The following WRAP53 variants were observed in gnomAD, a reference collection of about 807,000 sequenced individuals.
WRAP53 encodes the protein telomerase Cajal body protein 1.
WRAP53 carries 28 observed loss-of-function variants against 56.6 expected under a neutral mutation model. That is an observed-to-expected ratio of 0.50 (90% CI 0.37 to 0.68). The LOEUF (loss-of-function observed/expected upper bound fraction) is 0.68, where lower values mean the gene tolerates loss of function less well. WRAP53 is among the 30% of genes least tolerant of loss of function. The pLI is 0.00. For synonymous variants in WRAP53, 283 were observed against 283.4 expected, an observed-to-expected ratio of 1.00 and a Z score of 0.01; for missense variants, 671 against 715.5, an observed-to-expected ratio of 0.94 and a Z score of 0.71.
At position 7,701,387 on chromosome 17, in the gene WRAP53, G is replaced by A. The variant is rs758920001; in HGVS notation, c.732-72G>A. 3 of 1,546,524 alleles carry A rather than the reference G, an allele frequency of 1.9e-6. No homozygotes were observed. Among genetic ancestry groups the A allele is most frequent in the South Asian group, 2.2e-5 (2 of 89,674 alleles). ...CCCAAAGTGCTGGGATTACAGGCAT[G>A]AGCCACTGTGCCCGGCCATTCCTCC... On this transcript the variant is annotated intron_variant, in intron 5 of 10. Transcript: ENST00000396463. This position sits in a 1 kb window ranked among gnomAD's most constrained non-coding sequence, Gnocchi z 4.2.
At chr17:7,703,186 G>A (rs71371810) in intron 10 of WRAP53, 57 bp from the exon 11 acceptor site, 1 of 1,613,396 alleles carries the variant, frequency 6.2e-7, no homozygotes, top group Non-Finnish European at 8.5e-7. Context: ...GTGAATCCCA[G>A]AGGGAGCAAG....
chr17:7,691,102 G>T (rs866179390), intron 4 of WRAP53, among the ~76,000 whole-genome samples: 1 of 151,934 alleles, frequency 6.6e-6, no homozygotes, highest in South Asian at 2.1e-4. Flanking sequence ...CCAGCTACTT[G>T]AGAGGCTGAA....
chr17:7,692,120 A>G (rs112056851), intron 4 of WRAP53, among the ~76,000 whole-genome samples: 8,271 of 150,486 alleles, frequency 0.055, 515 homozygotes, highest in African/African-American at 0.16. Flanking sequence ...GATTACAGGC[A>G]TGAGCCACTG....
Position 7,702,205 on chromosome 17 carries a change from G to C in WRAP53, c.956-139G>C. On this transcript the variant is annotated intron_variant, in intron 7 of 10. Transcript: ENST00000396463. This position sits in a 1 kb window ranked among gnomAD's most constrained non-coding sequence, Gnocchi z 5.0. Reference sequence around the variant, plus strand: ...GATGTGGGGAGCATCAGAGGTCTTTGTCCTGCTTGTGACAGACAGCATGGG... The same window carrying C: ...GATGTGGGGAGCATCAGAGGTCTTTCTCCTGCTTGTGACAGACAGCATGGG... The C allele has an allele frequency of 1.1e-6, 1 of 933,756 alleles. No homozygotes were observed. The allele number at this position is 933,756 out of a possible 1,614,324, so 57.8% of individuals were successfully genotyped here. A position where few individuals can be genotyped will look rare whatever the true frequency, so the allele number is the denominator to read the frequency against.
In WRAP53 at chr17:7,701,587, G is replaced by A. The variant is rs755627289; in HGVS notation, c.822+38G>A. 1 of 1,614,212 alleles carries A rather than the reference G, an allele frequency of 6.2e-7. No homozygotes were observed. Among genetic ancestry groups the A allele is most frequent in the Non-Finnish European group, 8.5e-7 (1 of 1,180,050 alleles). ...ATACTCAGCCCCAGCACTCGTACTGGCCCGGCTCTCCTTCCTTGAGGGCAG... is the reference window on the plus strand; with the variant it reads ...ATACTCAGCCCCAGCACTCGTACTGACCCGGCTCTCCTTCCTTGAGGGCAG... On this transcript the variant is annotated intron_variant, in intron 6 of 10. Transcript: ENST00000396463. The surrounding 1 kb of genome is among the most constrained non-coding windows in gnomAD (Gnocchi z 4.2).
At chr17:7,687,942 C>T (rs17886079), upstream of WRAP53, 261 of 232,236 alleles carry the variant, frequency 1.1e-3, 1 homozygote, top group African/African-American at 5.6e-3. Context: ...TATTTAATCT[C>T]CTTCACAACC....
At chr17:7,694,249 T>C (rs900959847) in intron 4 of WRAP53, among the ~76,000 whole-genome samples, 2 of 146,340 alleles carry the variant, frequency 1.4e-5, no homozygotes, top group South Asian at 2.2e-4. Flanking sequence ...TTTCTTTTTT[T>C]TTTTTTTTTT....
At position 7,689,000 on chromosome 17, in the gene WRAP53, G is replaced by A. The variant is rs781719919; in HGVS notation, c.352G>A (p.Ala118Thr). 4 of 1,614,174 alleles carry A rather than the reference G, an allele frequency of 2.5e-6. No individual in the cohort carries two copies. Among genetic ancestry groups the A allele is most frequent in the East Asian group, 2.2e-5 (1 of 44,890 alleles). The change falls in exon 2 of 11, where the codon GCG becomes ACG. Residue 118 changes from alanine (A) to threonine (T), a missense_variant. Ala to Thr is a moderately conservative substitution (Grantham distance 58). Transcript: ENST00000396463. ...AAACGGGAGCCTTTCTGAAGAAGAA[G>A]CGAACGGGCCAGAGTTGGGGTCTGG... ...EANGSLSEEEANGPELGSGKA... is the reference protein window; with the variant it reads ...EANGSLSEEETNGPELGSGKA...
At position 7,700,843 on chromosome 17, in the gene WRAP53, G is replaced by T; in HGVS notation, c.731+14G>T. 6.3e-7 allele frequency: 1 copy of T among 1,596,272 alleles called. No homozygotes were observed. Among genetic ancestry groups the T allele is most frequent in the Non-Finnish European group, 8.6e-7 (1 of 1,164,166 alleles). On this transcript the variant is annotated intron_variant, in intron 5 of 10. Coordinates refer to ENST00000396463, the MANE Select transcript of WRAP53 (RefSeq NM_001143992.2). Reference sequence around the variant, plus strand: ...AGACACCTCCTAGTAAGTAATGTTTGCCTCCCTGCTCGCCGCCCCACCACC... The same window carrying T: ...AGACACCTCCTAGTAAGTAATGTTTTCCTCCCTGCTCGCCGCCCCACCACC...
chr17:7,688,762 T>C lies in WRAP53; in HGVS notation c.114T>C (p.Ser38=). 6.2e-7 allele frequency: 1 copy of C among 1,614,168 alleles called. No individual in the cohort carries two copies. The highest frequency in any genetic ancestry group is 8.5e-7 in the Non-Finnish European group (1 of 1,180,028). Residue 38 remains serine (S), a synonymous_variant, in exon 2 of 11, where the codon TCT becomes TCC. Transcript: ENST00000396463. Reference sequence around the variant, plus strand: ...CCCCGATGAATAAAAATGCGGACTCTGAACTGATGCCACCGCCTCCCGAAA... The same window carrying C: ...CCCCGATGAATAAAAATGCGGACTCCGAACTGATGCCACCGCCTCCCGAAA... ...HASPMNKNAD[S]ELMPPPPERG...
Position 7,700,822 on chromosome 17 carries a change from A to G in WRAP53, c.724A>G (p.Thr242Ala), listed in dbSNP as rs775038177. Residue 242 changes from threonine to alanine, a missense_variant, in exon 5 of 11, where the codon ACC (threonine) becomes GCC (alanine). This residue lies in a region of WRAP53 where 406 missense variants were observed against 418.5 expected (regional missense o/e 0.97). Transcript: ENST00000396463. ...YSLMSSAQPD[T>A]SYVASSSREN... Reference sequence around the variant, plus strand: ...TCTGATGTCCTCAGCCCAGCCAGACACCTCCTAGTAAGTAATGTTTGCCTC... The same window carrying G: ...TCTGATGTCCTCAGCCCAGCCAGACGCCTCCTAGTAAGTAATGTTTGCCTC... 5 of 1,611,216 alleles carry G rather than the reference A, an allele frequency of 3.1e-6. No individual in the cohort carries two copies. Among genetic ancestry groups the G allele is most frequent in the Non-Finnish European group, 2.5e-6 (3 of 1,177,684 alleles).
At position 7,700,737 on chromosome 17, in the gene WRAP53, A is replaced by G. The variant is rs770005848; in HGVS notation, c.643-4A>G. The stretch of plus-strand genomic sequence containing the variant: ...GACTCAGCCATTCCCCCGTCTCTGT[A>G]TAGGTCCCTGTCCTTCGAATGGTGG... On this transcript the variant is annotated splice_polypyrimidine_tract_variant and splice_region_variant and intron_variant, in intron 4 of 10. Transcript: ENST00000396463. The G allele has an allele frequency of 1.2e-5, 19 of 1,609,236 alleles. No homozygotes were observed. Among genetic ancestry groups the G allele is most frequent in the Admixed American group, 1.7e-5 (1 of 59,932 alleles).
At chr17:7,691,216 A>G (rs2074103268) in intron 4 of WRAP53, among the ~76,000 whole-genome samples, 1 of 111,706 alleles carries the variant, frequency 9.0e-6, no homozygotes, top group Non-Finnish European at 1.6e-5. Flanking sequence ...CCCAAAACAA[A>G]CAAACAAACA....
At chr17:7,699,539 T>TATATATATATA (rs2074247356) in intron 4 of WRAP53, among the ~76,000 whole-genome samples, 1 of 81,516 alleles carries the variant, frequency 1.2e-5, no homozygotes, top group Non-Finnish European at 2.3e-5. Context: ...TATATATATA[T>TATATATATATA]TCCTAAGGAA....
At chr17:7,699,671 A>G (rs2074249284) in intron 4 of WRAP53, among the ~76,000 whole-genome samples, 1 of 149,182 alleles carries the variant, frequency 6.7e-6, no homozygotes, top group Non-Finnish European at 1.5e-5. Context: ...TGTTTTTTTA[A>G]TAAGATACTT....
rs1254646287 is a variant in WRAP53, at chr17:7,702,836, G to T, written c.1258G>T (p.Asp420Tyr). 1 of 1,613,776 alleles carries T rather than the reference G, an allele frequency of 6.2e-7. No homozygotes were observed. Among genetic ancestry groups the T allele is most frequent in the Non-Finnish European group, 8.5e-7 (1 of 1,179,986 alleles). Residue 420 changes from aspartate (D) to tyrosine (Y), a missense_variant, in exon 9 of 11, where the codon GAT (aspartate) becomes TAT (tyrosine). Around this residue, in one of 3 missense-constraint regions of WRAP53, gnomAD observed 158 missense variants for 215.7 expected, o/e 0.73. Coordinates refer to ENST00000396463, the MANE Select transcript of WRAP53 (RefSeq NM_001143992.2). This position sits in a 1 kb window ranked among gnomAD's most constrained non-coding sequence, Gnocchi z 5.0. ...EVTTNQRIYF[D>Y]LDPTGQFLVS... is the part of the protein sequence containing the mutation. ...GACCACCAATCAGCGCATCTACTTC[G>T]ATCTGGACCCGTGAGTGGCTGTGAC...
At position 7,703,364 on chromosome 17, in the gene WRAP53, C is replaced by T. The variant is rs140721613; in HGVS notation, c.1525C>T (p.His509Tyr). 6 of 1,613,980 alleles carry T rather than the reference C, an allele frequency of 3.7e-6. No individual in the cohort carries two copies. The highest frequency in any genetic ancestry group is 3.3e-4 in the Middle Eastern group (2 of 6,084). ...GLPLLSTRHV[H>Y]LECRLQLWWC... ...TCCCTTGCTCTCCACGCGCCACGTC[C>T]ACCTTGAATGTCGGCTTCAGCTCTG... Residue 509 changes from histidine to tyrosine, a missense_variant, in exon 11 of 11, where the codon CAC (histidine) becomes TAC (tyrosine). By Grantham distance (83) the His-to-Tyr change is moderately conservative (BLOSUM62 2). Transcript: ENST00000396463.
At chr17:7,692,602 C>T (rs1449827559) in intron 4 of WRAP53, among the ~76,000 whole-genome samples, 4 of 115,860 alleles carry the variant, frequency 3.5e-5, no homozygotes, top group Admixed American at 2.5e-4. Context: ...GTCCAGGCAA[C>T]AGTGTAAGAC....
At chr17:7,697,148 C>T (rs1027719819) in intron 4 of WRAP53, among the ~76,000 whole-genome samples, 2 of 151,828 alleles carry the variant, frequency 1.3e-5, no homozygotes, top group Admixed American at 6.6e-5. Context: ...TGGCAAAATC[C>T]CGTCTCTACT....
Sources: allele counts gnomAD v4.1 joint callset (sites outside exome capture counted in the v4.1 genomes callset), GRCh38; gene constraint gnomAD v4.1.1; regional missense constraint gnomAD v4.1.1; non-coding constraint Gnocchi (gnomAD v3.1); transcripts MANE v1.5; gene names NCBI Gene and HGNC (gene_info 2026-07-23, HGNC 2026-07-21).